The following SH3D19 variants were observed in gnomAD, a reference collection of about 807,000 sequenced individuals.
The protein encoded by SH3D19 is SH3 domain containing 19, also known as SH3 domain-containing protein 19.
A neutral mutation model predicts 112.1 loss-of-function variants in SH3D19; 58 were observed. The ratio of observed to expected loss-of-function variants is 0.52; its 90% CI spans 0.42 to 0.64. The LOEUF is 0.64. Ranked by LOEUF, SH3D19 falls within the 30% of genes least tolerant of loss-of-function variation. SH3D19 has a pLI of 0.00. For synonymous variants in SH3D19, 391 were observed against 448.5 expected, an observed-to-expected ratio of 0.87 and a Z score of 1.62; for missense variants, 1,090 against 1,263.4, an observed-to-expected ratio of 0.86 and a Z score of 2.08.
chr4:151,289,626 T>C (rs957489957), intron 1 of SH3D19, among the ~76,000 whole-genome samples: 3 of 152,152 alleles, frequency 2.0e-5, no homozygotes, highest in African/African-American at 2.4e-5. Flanking sequence ...TGTAGAGAAA[T>C]TGGAGCCTTC....
chr4:151,251,422 A>G (rs568688886), intron 1 of SH3D19, among the ~76,000 whole-genome samples: 1 of 151,110 alleles, frequency 6.6e-6, no homozygotes, highest in Non-Finnish European at 1.5e-5. Flanking sequence ...CTGGTCTCGA[A>G]CTCCTGATCA....
chr4:151,131,622 G>T (rs535156805), intron 17 of SH3D19, among the ~76,000 whole-genome samples: 4 of 151,930 alleles, frequency 2.6e-5, no homozygotes, highest in African/African-American at 9.7e-5. Flanking sequence ...GAGTAGCTGG[G>T]AATACGCGCG....
At chr4:151,306,707 T>C (rs6822385) in intron 1 of SH3D19, among the ~76,000 whole-genome samples, 86,187 of 152,098 alleles carry the variant, frequency 0.57, 25,256 homozygotes, top group African/African-American at 0.72. Flanking sequence ...CTAAATGCTA[T>C]GTAAGTACTC....
chr4:151,234,054 T>G (rs1321665867), intron 1 of SH3D19, among the ~76,000 whole-genome samples: 1 of 151,870 alleles, frequency 6.6e-6, no homozygotes, highest in African/African-American at 2.4e-5. Context: ...TTCCCATACT[T>G]TTTTTTGACT....
chr4:151,164,612 C>T (rs1415258038), intron 8 of SH3D19, among the ~76,000 whole-genome samples: 1 of 150,422 alleles, frequency 6.6e-6, no homozygotes, highest in South Asian at 2.1e-4. Flanking sequence ...TGGAGTCTCG[C>T]TCTGTCACCC....
At chr4:151,257,798 A>G (rs1772051868) in intron 1 of SH3D19, among the ~76,000 whole-genome samples, 1 of 151,882 alleles carries the variant, frequency 6.6e-6, no homozygotes, top group Non-Finnish European at 1.5e-5. Context: ...AGTCCCAGCT[A>G]CTCCAGAGAC....
rs759083604 is a variant in SH3D19 at position 151,175,337 on chromosome 4, G to A, written c.867C>T (p.Ser289=). The A allele has an allele frequency of 6.2e-7, 1 of 1,612,638 alleles. No individual in the cohort carries two copies. The highest frequency in any genetic ancestry group is 1.3e-5 in the African/African-American group (1 of 74,826). ...AVMNIMNTEQ[S]QNSIVSRIKV... ...TAATTCTGGAAACAATACTATTTTG[G>A]CTTTGTTCTGTGTTCATAATGTTCA... is the stretch of plus-strand genomic sequence containing the variant. The change falls in exon 7 of 20, where the codon AGC becomes AGT. Residue 289 remains serine, a synonymous_variant. Coordinates refer to ENST00000604030, the MANE Select transcript of SH3D19 (RefSeq NM_001378122.1).
At chr4:151,145,253 C>T (rs977371876) in intron 11 of SH3D19, among the ~76,000 whole-genome samples, 13 of 152,118 alleles carry the variant, frequency 8.5e-5, no homozygotes, top group South Asian at 4.1e-4. Flanking sequence ...TGACATTATA[C>T]GACTATGCTA....
rs374663110 is a variant in SH3D19, at chr4:151,128,343, G to A, written c.2756C>T (p.Pro919Leu). ...SGSNSQVNSLPAEWCEALHSF... is the reference protein window; with the variant it reads ...SGSNSQVNSLLAEWCEALHSF... ...GTGAAGAGCTTCACACCATTCTGCCGGAAGACTGTTAACCTGTTATCAAAT... is the reference window on the plus strand; with the variant it reads ...GTGAAGAGCTTCACACCATTCTGCCAGAAGACTGTTAACCTGTTATCAAAT... The change falls in exon 18 of 20, where the codon CCG becomes CTG. Residue 919 changes from proline to leucine, a missense_variant. Coordinates refer to ENST00000604030, the MANE Select transcript of SH3D19 (RefSeq NM_001378122.1). The A allele has an allele frequency of 1.6e-5, 25 of 1,612,610 alleles. No individual in the cohort carries two copies. The highest frequency in any genetic ancestry group is 4.5e-5 in the East Asian group (2 of 44,808).
chr4:151,311,215 T>C (rs964306803), intron 1 of SH3D19, among the ~76,000 whole-genome samples: 1 of 147,148 alleles, frequency 6.8e-6, no homozygotes, highest in Admixed American at 6.7e-5. Flanking sequence ...ACAGTGAGAC[T>C]GCATCTCTAC....
At chr4:151,166,348 T>C (rs1176750110) in intron 7 of SH3D19, 1 of 152,222 alleles carries the variant, frequency 6.6e-6, no homozygotes, top group Non-Finnish European at 1.5e-5. Context: ...GTGGTTGTCA[T>C]TGAAAGTAAT....
chr4:151,291,960 C>T (rs192335799), intron 1 of SH3D19, among the ~76,000 whole-genome samples: 10 of 151,982 alleles, frequency 6.6e-5, no homozygotes, highest in Admixed American at 2.6e-4. Flanking sequence ...ACACTGCCTA[C>T]AGATTAGCTA....
intron 2 of SH3D19, among the ~76,000 whole-genome samples, chr4:151,189,207 G>T (rs978640331): frequency 2.0e-5 from 3 of 151,272 alleles, no homozygotes; most frequent in Non-Finnish European, 4.4e-5. Flanking sequence ...TCTGCCTCCC[G>T]GGTTCACACC....
chr4:151,268,792 A>G (rs1773014017), intron 1 of SH3D19, among the ~76,000 whole-genome samples: 1 of 144,846 alleles, frequency 6.9e-6, no homozygotes, highest in Non-Finnish European at 1.5e-5. Flanking sequence ...ATGGCTGCAT[A>G]ATATTCCATG....
intron 10 of SH3D19, among the ~76,000 whole-genome samples, chr4:151,148,971 G>T (rs942469141): frequency 1.3e-5 from 2 of 152,146 alleles, no homozygotes; most frequent in Non-Finnish European, 2.9e-5. Flanking sequence ...CCGGGAGGCG[G>T]AGGTTGCAGT....
intron 9 of SH3D19, among the ~76,000 whole-genome samples, chr4:151,152,759 T>C (rs1383735133): frequency 1.3e-5 from 2 of 151,766 alleles, no homozygotes; most frequent in Non-Finnish European, 2.9e-5. Context: ...CCTCAACTGA[T>C]CCACCTGCCT....
chr4:151,196,401 C>A (rs1763476871), intron 2 of SH3D19, among the ~76,000 whole-genome samples: 1 of 152,084 alleles, frequency 6.6e-6, no homozygotes, highest in Non-Finnish European at 1.5e-5. Context: ...CACAGCCCAG[C>A]CTGGGCAACA....
At position 151,280,326 on chromosome 4, in the gene SH3D19, G is replaced by A. The variant is rs151262662; in HGVS notation, c.112+44915C>T. Among the ~76,000 whole-genome samples the A allele has an allele frequency of 7.4e-3, 1,125 of 152,146 alleles. 14 individuals carry two copies. The highest frequency in any genetic ancestry group is 0.026 in the African/African-American group (1,064 of 41,512). On this transcript the variant is annotated intron_variant, in intron 1 of 19. Transcript: ENST00000604030. ...CTATGGAGAGGCCCATGTGGAACCC[G>A]CATCTCTAGTCAACAGCGAGAAGAC...
At chr4:151,191,325 T>C (rs1215024993) in intron 2 of SH3D19, among the ~76,000 whole-genome samples, 2 of 152,208 alleles carry the variant, frequency 1.3e-5, no homozygotes, top group East Asian at 3.8e-4. Flanking sequence ...GGGGGACTCT[T>C]ACGAAGGCAT....
Sources: gnomAD v4.1 joint callset for allele counts (sites outside exome capture counted in the v4.1 genomes callset) on GRCh38, gnomAD v4.1.1 for gene constraint, MANE v1.5 for transcripts, NCBI Gene and HGNC (gene_info 2026-07-23, HGNC 2026-07-21) for gene names.